BCL11B: variants seen among roughly 807,000 people sequenced by gnomAD.
BCL11B encodes BCL11 transcription factor B.
Under a neutral mutation model 49.9 loss-of-function variants are expected in BCL11B, and 8 were observed. The observed-to-expected ratio is 0.16, with a 90% CI of 0.09 to 0.29. The LOEUF (loss-of-function observed/expected upper bound fraction) is 0.29, where lower values mean the gene tolerates loss of function less well. Among genes scored for constraint, BCL11B ranks in the 10% least tolerant of loss-of-function variants. The pLI is 1.00. For missense variants in BCL11B, 1,006 were observed against 1,351.0 expected (o/e 0.74, Z 4.00); for synonymous variants, 739 against 637.4 (o/e 1.16, Z -2.40).
At chr14:99,181,710 G>A (rs548391420) in intron 3 of BCL11B, among the ~76,000 whole-genome samples, 3 of 152,320 alleles carry the variant, frequency 2.0e-5, no homozygotes, top group South Asian at 2.1e-4. Context: ...GCGAGCCTGC[G>A]GGGTATGACA....
intron 3 of BCL11B, among the ~76,000 whole-genome samples, chr14:99,176,920 C>CT (rs35227654): frequency 0.04 from 5,823 of 147,360 alleles, 315 homozygotes; most frequent in African/African-American, 0.13. Flanking sequence ...ATCCTGCAAA[C>CT]TTTTTTTTTT....
chr14:99,201,406 G>A (rs190067056), intron 3 of BCL11B, among the ~76,000 whole-genome samples: 19 of 152,258 alleles, frequency 1.2e-4, no homozygotes, highest in African/African-American at 4.3e-4. Flanking sequence ...AACATGAATC[G>A]CTGTCATGAT....
At chr14:99,222,886 T>C (rs1888053843) in intron 3 of BCL11B, among the ~76,000 whole-genome samples, 1 of 151,788 alleles carries the variant, frequency 6.6e-6, no homozygotes, top group Non-Finnish European at 1.5e-5. Flanking sequence ...TTCTTTCCTT[T>C]CTTTCTTTCT....
Position 99,231,723 on chromosome 14 carries a change from G to A in BCL11B, c.428-166C>T, listed in dbSNP as rs1467868163. Among the ~76,000 whole-genome samples, 3 of 151,802 alleles carry A rather than the reference G, an allele frequency of 2.0e-5. No homozygotes were observed. Among genetic ancestry groups the A allele is most frequent in the Admixed American group, 1.3e-4 (2 of 15,276 alleles). On this transcript the variant is annotated intron_variant, in intron 2 of 3. Coordinates refer to ENST00000357195, the MANE Select transcript of BCL11B (RefSeq NM_138576.4). The surrounding 1 kb of genome is among the most constrained non-coding windows in gnomAD (Gnocchi z 8.1). ...CAGGGAAGGCAATCGGGACACAGGC[G>A]AGGGAATGGGCTCGGGGAGGTGGGC... is the stretch of plus-strand genomic sequence containing the variant.
At chr14:99,177,342 G>A (rs959313514) in intron 3 of BCL11B, among the ~76,000 whole-genome samples, 6 of 151,846 alleles carry the variant, frequency 4.0e-5, no homozygotes, top group Non-Finnish European at 8.8e-5. Context: ...AACACTCGTG[G>A]TATGGAGCCA....
At chr14:99,199,679 TGTGTGCGCGCGCGC>T (rs1443951842) in intron 3 of BCL11B, among the ~76,000 whole-genome samples, 10 of 69,956 alleles carry the variant, frequency 1.4e-4, no homozygotes, top group African/African-American at 4.4e-4. Context: ...TGTGTGTGTG[TGTGTGCGCGCGCGC>T]GCGCACGTGC....
At chr14:99,187,200 C>T (rs766188497) in intron 3 of BCL11B, among the ~76,000 whole-genome samples, 1 of 152,154 alleles carries the variant, frequency 6.6e-6, no homozygotes, top group Non-Finnish European at 1.5e-5. Context: ...CATTGCCAGC[C>T]GCAGGGGTAT....
chr14:99,195,594 G>C lies in BCL11B; in HGVS notation c.641-19399C>G, dbSNP rs1887157494. 6.6e-6 allele frequency among the ~76,000 whole-genome samples: 1 copy of C among 152,114 alleles called. No individual in the cohort carries two copies. On this transcript the variant is annotated intron_variant, in intron 3 of 3. Transcript: ENST00000357195. This position sits in a 1 kb window ranked among gnomAD's most constrained non-coding sequence, Gnocchi z 4.7. ...CGTATGCCTTGGATTCCACATGGAG[G>C]ATCCAAGCTCAGAGAGGTAAAGCAA...
intron 2 of BCL11B, among the ~76,000 whole-genome samples, chr14:99,255,044 T>C (rs1376889422): frequency 2.0e-5 from 3 of 152,184 alleles, no homozygotes; most frequent in Non-Finnish European, 1.5e-5. Context: ...TTTATACATT[T>C]GAGCCACTGA....
At chr14:99,193,835 C>T (rs1243216928) in intron 3 of BCL11B, among the ~76,000 whole-genome samples, 1 of 152,144 alleles carries the variant, frequency 6.6e-6, no homozygotes, top group Non-Finnish European at 1.5e-5. Flanking sequence ...CAGAAGGGAT[C>T]TGTCTTTTTA....
intron 3 of BCL11B, among the ~76,000 whole-genome samples, chr14:99,183,922 C>T (rs1426356180): frequency 6.6e-6 from 1 of 152,136 alleles, no homozygotes; most frequent in Non-Finnish European, 1.5e-5. Context: ...ACTGCCCCCA[C>T]CCCGAAGCCG....
At chr14:99,202,372 C>CT (rs1262627415) in intron 3 of BCL11B, among the ~76,000 whole-genome samples, 1 of 152,184 alleles carries the variant, frequency 6.6e-6, no homozygotes, top group East Asian at 1.9e-4. Flanking sequence ...TTTTCTCCTG[C>CT]TTTTTCTTTT....
chr14:99,188,439 C>T (rs1258294340), intron 3 of BCL11B, among the ~76,000 whole-genome samples: 1 of 152,116 alleles, frequency 6.6e-6, no homozygotes, highest in African/African-American at 2.4e-5. Flanking sequence ...TGGGTTTGCC[C>T]GGGTGGATAG....
At chr14:99,214,740 G>A (rs569961247) in intron 3 of BCL11B, among the ~76,000 whole-genome samples, 24 of 152,200 alleles carry the variant, frequency 1.6e-4, no homozygotes, top group African/African-American at 5.5e-4. Flanking sequence ...ATGGGGACCC[G>A]GCAGGACGGT....
intron 3 of BCL11B, among the ~76,000 whole-genome samples, chr14:99,217,928 T>C (rs975425867): frequency 3.4e-4 from 51 of 152,206 alleles, no homozygotes; most frequent in African/African-American, 1.2e-3. Context: ...AAACTAAAAA[T>C]ATTTCTGGCT....
intron 3 of BCL11B, among the ~76,000 whole-genome samples, chr14:99,183,494 C>A (rs1886768339): frequency 6.6e-6 from 1 of 152,068 alleles, no homozygotes; most frequent in African/African-American, 2.4e-5. Flanking sequence ...TCTCAGCCTC[C>A]TGCCAGCACG....
At chr14:99,240,739 C>T (rs1453422779) in intron 2 of BCL11B, among the ~76,000 whole-genome samples, 6 of 152,172 alleles carry the variant, frequency 3.9e-5, no homozygotes, top group Admixed American at 2.0e-4. Context: ...ACGTGCAGTG[C>T]GTGCACAACA....
In BCL11B at chr14:99,174,176, T is replaced by C; in HGVS notation, c.2660A>G (p.Lys887Arg). ...HGEHLLTNDV[K>R]IEQAERS is the part of the protein sequence containing the mutation. The stretch of plus-strand genomic sequence containing the variant: ...TTAGCTCCTCTCGGCCTGCTCGATT[T>C]TGACGTCGTTAGTCAGCAAGTGCTC... Residue 887 changes from lysine (K) to arginine (R), a missense_variant, in exon 4 of 4, where the codon AAA (lysine) becomes AGA (arginine). Lys to Arg is a conservative substitution (Grantham distance 26). This residue lies in a region of BCL11B where 16 missense variants were observed against 24.1 expected (regional missense o/e 0.67). Coordinates refer to ENST00000357195, the MANE Select transcript of BCL11B (RefSeq NM_138576.4). 6.2e-7 allele frequency: 1 copy of C among 1,613,240 alleles called. No homozygotes were observed. The highest frequency in any genetic ancestry group is 1.1e-5 in the South Asian group (1 of 91,078).
intron 3 of BCL11B, among the ~76,000 whole-genome samples, 162 bp from the exon 4 acceptor site, chr14:99,176,357 C>T (rs1481453649): frequency 3.3e-5 from 5 of 152,144 alleles, no homozygotes; most frequent in Admixed American, 2.6e-4. Context: ...CAGGCCCGGC[C>T]TTGTCTCCTC....
Sources: allele counts gnomAD v4.1 joint callset (sites outside exome capture counted in the v4.1 genomes callset), GRCh38; gene constraint gnomAD v4.1.1; regional missense constraint gnomAD v4.1.1; non-coding constraint Gnocchi (gnomAD v3.1); transcripts MANE v1.5; gene names NCBI Gene and HGNC (gene_info 2026-07-23, HGNC 2026-07-21).